Variants in STX18 observed in about 807,000 individuals in gnomAD.
STX18 encodes the protein syntaxin-18.
In STX18, 40 loss-of-function variants were observed where a neutral mutation model predicts 50.1. The ratio of observed to expected loss-of-function variants is 0.80; its 90% CI spans 0.62 to 1.04. The LOEUF is 1.04. STX18 is among the 50% of genes least tolerant of loss of function. The pLI is 0.00. For synonymous variants in STX18, 158 were observed against 151.8 expected (o/e 1.04, Z -0.30); for missense variants, 410 against 415.8 (o/e 0.99, Z 0.12).
chr4:4,505,845 G>T (rs1729679986), intron 1 of STX18, among the ~76,000 whole-genome samples: 1 of 152,142 alleles, frequency 6.6e-6, no homozygotes, highest in Non-Finnish European at 1.5e-5. Flanking sequence ...TATCACTTTT[G>T]CAGCACTGTG....
chr4:4,495,180 T>G (rs146796621), intron 1 of STX18, among the ~76,000 whole-genome samples: 2 of 152,294 alleles, frequency 1.3e-5, no homozygotes, highest in South Asian at 4.1e-4. Context: ...AGGAAAGATA[T>G]AGTACATGCC....
At chr4:4,513,905 T>C (rs533121506) in intron 1 of STX18, among the ~76,000 whole-genome samples, 1 of 152,188 alleles carries the variant, frequency 6.6e-6, no homozygotes, top group Non-Finnish European at 1.5e-5. Flanking sequence ...TTTCTTCCCC[T>C]TTTAACCTGA....
At chr4:4,448,576 A>C (rs1415636014) in intron 5 of STX18, among the ~76,000 whole-genome samples, 1 of 152,106 alleles carries the variant, frequency 6.6e-6, no homozygotes, top group East Asian at 1.9e-4. Context: ...TCCTGATCTC[A>C]AGTGATCCAC....
chr4:4,519,657 A>G (rs1366983615), intron 1 of STX18, among the ~76,000 whole-genome samples: 1 of 152,208 alleles, frequency 6.6e-6, no homozygotes, highest in Non-Finnish European at 1.5e-5. Context: ...TGCTCAAATG[A>G]GATTTTAAAA....
chr4:4,433,630 T>C (rs60493174), intron 7 of STX18, among the ~76,000 whole-genome samples: 8,546 of 151,572 alleles, frequency 0.056, 790 homozygotes, highest in African/African-American at 0.19. Flanking sequence ...TTGTGCTCTA[T>C]GCGGGAAATC....
At chr4:4,423,382 C>T in intron 9 of STX18, 136 bp downstream of exon 9, 1 of 830,770 alleles carries the variant, frequency 1.2e-6, no homozygotes, top group South Asian at 1.5e-5. Context: ...GAGCTCTGCG[C>T]ACACACACCT....
chr4:4,488,494 C>A (rs902222118), intron 1 of STX18, among the ~76,000 whole-genome samples: 1 of 152,122 alleles, frequency 6.6e-6, no homozygotes, highest in African/African-American at 2.4e-5. Flanking sequence ...GATTAAAAAT[C>A]ACTTATTTGC....
intron 1 of STX18, among the ~76,000 whole-genome samples, chr4:4,525,618 G>C (rs776283589): frequency 6.6e-6 from 1 of 152,102 alleles, no homozygotes; most frequent in African/African-American, 2.4e-5. Flanking sequence ...CTGTATTACT[G>C]GGTACAAGAG....
intron 3 of STX18, among the ~76,000 whole-genome samples, chr4:4,458,915 T>C (rs1051943846): frequency 2.0e-5 from 3 of 152,206 alleles, no homozygotes; most frequent in Non-Finnish European, 4.4e-5. Flanking sequence ...TAGGAAAGTT[T>C]ACTTGAATAT....
At chr4:4,505,504 G>A (rs927652289) in intron 1 of STX18, among the ~76,000 whole-genome samples, 3 of 152,200 alleles carry the variant, frequency 2.0e-5, no homozygotes, top group African/African-American at 7.2e-5. Flanking sequence ...ATGGGGATGG[G>A]TGTGGTGGCT....
At chr4:4,423,189 G>C (rs1388208756) in intron 9 of STX18, among the ~76,000 whole-genome samples, 2 of 152,192 alleles carry the variant, frequency 1.3e-5, no homozygotes, top group Non-Finnish European at 2.9e-5. Flanking sequence ...GGAAACTGTA[G>C]CTTGTGGGGG....
At chr4:4,533,680 C>T (rs1442136718) in intron 1 of STX18, among the ~76,000 whole-genome samples, 1 of 152,226 alleles carries the variant, frequency 6.6e-6, no homozygotes. Context: ...AAATCTGGTT[C>T]TTGGGCCTCC....
chr4:4,437,341 G>T (rs1490067191), intron 6 of STX18, among the ~76,000 whole-genome samples: 1 of 152,124 alleles, frequency 6.6e-6, no homozygotes, highest in African/African-American at 2.4e-5. Flanking sequence ...TCTCCCAGGG[G>T]CTAGAGCCTT....
chr4:4,477,117 C>CCTGT (rs1247924623), intron 1 of STX18, among the ~76,000 whole-genome samples: 1 of 152,084 alleles, frequency 6.6e-6, no homozygotes, highest in Admixed American at 6.5e-5. Context: ...GACGCACATG[C>CCTGT]CTGTAATCCC....
intron 1 of STX18, among the ~76,000 whole-genome samples, chr4:4,527,407 T>C (rs566378923): frequency 2.0e-5 from 3 of 152,378 alleles, no homozygotes; most frequent in Admixed American, 1.3e-4. Context: ...GTAATTTCCT[T>C]ATTACTTTAA....
chr4:4,423,105 A>G (rs893888939), intron 9 of STX18, among the ~76,000 whole-genome samples: 1 of 152,270 alleles, frequency 6.6e-6, no homozygotes, highest in Non-Finnish European at 1.5e-5. Context: ...GCCCGTCAGC[A>G]TCGTGCTGGA....
rs939039824 is a variant in STX18 at position 4,445,207 on chromosome 4, G to C, written c.498-6698C>G. The stretch of plus-strand genomic sequence containing the variant: ...ACCTGAGGTGAGGTCAGGAGTTCAA[G>C]AACAGCCTGGCCAACGAGGTGAAAC... On this transcript the variant is annotated intron_variant, in intron 5 of 10. Coordinates refer to ENST00000306200, the MANE Select transcript of STX18 (RefSeq NM_016930.4). Among the ~76,000 whole-genome samples, 12 of 152,246 alleles carry C rather than the reference G, an allele frequency of 7.9e-5. No individual in the cohort carries two copies. In the East Asian group the frequency reaches 2.1e-3, roughly 27 times the overall value.
intron 1 of STX18, among the ~76,000 whole-genome samples, chr4:4,506,544 G>A (rs1729714757): frequency 6.6e-6 from 1 of 152,176 alleles, no homozygotes; most frequent in Non-Finnish European, 1.5e-5. Context: ...CGGACAGCAT[G>A]GGAGTTTCTG....
chr4:4,513,567 C>T (rs963722169), intron 1 of STX18, among the ~76,000 whole-genome samples: 6 of 152,126 alleles, frequency 3.9e-5, no homozygotes, highest in Admixed American at 2.6e-4. Context: ...CCACATTCCC[C>T]GGTGAGCAAC....
Sources: allele counts gnomAD v4.1 joint callset (sites outside exome capture counted in the v4.1 genomes callset), GRCh38; gene constraint gnomAD v4.1.1; transcripts MANE v1.5; gene names NCBI Gene and HGNC (gene_info 2026-07-23, HGNC 2026-07-21).